Variants in HS6ST3 observed in about 807,000 individuals in gnomAD.
The protein encoded by HS6ST3 is heparan sulfate 6-O-sulfotransferase 3.
HS6ST3 carries 12 observed loss-of-function variants against 36.7 expected under a neutral mutation model. That is an observed-to-expected ratio of 0.33 (90% CI 0.21 to 0.53). The LOEUF is 0.53. Among genes scored for constraint, HS6ST3 ranks in the 20% least tolerant of loss-of-function variants. HS6ST3 has a pLI of 0.95. For synonymous variants in HS6ST3, 240 were observed against 257.5 expected (o/e 0.93, Z 0.65); for missense variants, 584 against 640.9 (o/e 0.91, Z 0.96).
At position 96,132,505 on chromosome 13, in the gene HS6ST3, C is replaced by A. The variant is rs1044017805; in HGVS notation, c.707+40936C>A. Among the ~76,000 whole-genome samples, 12 of 152,032 alleles carry A rather than the reference C, an allele frequency of 7.9e-5. No individual in the cohort carries two copies. In the East Asian group the frequency reaches 2.3e-3, roughly 29 times the overall value. On this transcript the variant is annotated intron_variant, in intron 1 of 1. Coordinates refer to ENST00000376705, the MANE Select transcript of HS6ST3 (RefSeq NM_153456.4). ...CACTACAGCCTCGACCTTACAGGCC[C>A]AAGCAGTCTTTCAGCTCAGCCTCTT...
At chr13:96,331,224 G>A (rs1172617297) in intron 1 of HS6ST3, among the ~76,000 whole-genome samples, 1 of 152,250 alleles carries the variant, frequency 6.6e-6, no homozygotes, top group Non-Finnish European at 1.5e-5. Flanking sequence ...TGCTGGTGAG[G>A]AACTGCGTTC....
At chr13:96,302,729 GATA>G (rs746800917) in intron 1 of HS6ST3, among the ~76,000 whole-genome samples, 17 of 152,086 alleles carry the variant, frequency 1.1e-4, no homozygotes, top group East Asian at 3.9e-4. Context: ...TTTCTCAAAG[GATA>G]ATAATATACG....
At chr13:96,466,136 C>T (rs1435759470) in intron 1 of HS6ST3, among the ~76,000 whole-genome samples, 1 of 152,008 alleles carries the variant, frequency 6.6e-6, no homozygotes, top group Non-Finnish European at 1.5e-5. Flanking sequence ...CAAAAATGAG[C>T]TAGGCGTGGT....
At chr13:96,428,481 CT>C (rs1375857383) in intron 1 of HS6ST3, among the ~76,000 whole-genome samples, 1 of 152,174 alleles carries the variant, frequency 6.6e-6, no homozygotes, top group Admixed American at 6.5e-5. Flanking sequence ...CTCTCCTTGG[CT>C]TGTAAATGTC....
intron 1 of HS6ST3, among the ~76,000 whole-genome samples, chr13:96,457,333 A>C (rs2055759066): frequency 6.6e-6 from 1 of 151,818 alleles, no homozygotes; most frequent in African/African-American, 2.4e-5. Flanking sequence ...GACAACCCCA[A>C]CCTCAAACAA....
At chr13:96,708,151 C>A (rs1875473888) in intron 1 of HS6ST3, among the ~76,000 whole-genome samples, 1 of 152,158 alleles carries the variant, frequency 6.6e-6, no homozygotes, top group Non-Finnish European at 1.5e-5. Flanking sequence ...AAAACAGCTG[C>A]CAGAAATCAT....
intron 1 of HS6ST3, among the ~76,000 whole-genome samples, chr13:96,560,457 C>G (rs925942694): frequency 7.9e-5 from 12 of 152,010 alleles, no homozygotes; most frequent in African/African-American, 2.9e-4. Context: ...CCCTTGAGAA[C>G]TGGAACATTA....
chr13:96,321,997 GA>G (rs34643797), intron 1 of HS6ST3, among the ~76,000 whole-genome samples: 41 of 145,736 alleles, frequency 2.8e-4, no homozygotes, highest in South Asian at 6.5e-4. Context: ...TGACTTCACT[GA>G]AAAAAAAAAA....
intron 1 of HS6ST3, among the ~76,000 whole-genome samples, chr13:96,232,188 C>G (rs904154332): frequency 1.3e-5 from 2 of 152,108 alleles, no homozygotes; most frequent in Non-Finnish European, 2.9e-5. Flanking sequence ...GTATAAGATG[C>G]TAGAGCAGAG....
chr13:96,446,640 T>G (rs954953070), intron 1 of HS6ST3, among the ~76,000 whole-genome samples: 1 of 152,202 alleles, frequency 6.6e-6, no homozygotes, highest in African/African-American at 2.4e-5. Flanking sequence ...TATGCAACTT[T>G]GGCAGTGGAA....
At chr13:96,803,378 G>A (rs1327899110) in intron 1 of HS6ST3, among the ~76,000 whole-genome samples, 1 of 152,112 alleles carries the variant, frequency 6.6e-6, no homozygotes, top group Non-Finnish European at 1.5e-5. Flanking sequence ...AAGGGCTTTG[G>A]GAGGTATATT....
At chr13:96,262,304 G>A (rs1244529565) in intron 1 of HS6ST3, among the ~76,000 whole-genome samples, 2 of 152,056 alleles carry the variant, frequency 1.3e-5, no homozygotes, top group African/African-American at 4.8e-5. Context: ...TAGGGCCCAG[G>A]GACCTCTTGT....
chr13:96,119,236 G>A (rs80038903), intron 1 of HS6ST3, among the ~76,000 whole-genome samples: 2,061 of 151,952 alleles, frequency 0.014, 24 homozygotes, highest in Middle Eastern at 0.02. Flanking sequence ...CTCATAAATA[G>A]TATAAATAAC....
At chr13:96,622,265 A>G (rs543919526) in intron 1 of HS6ST3, among the ~76,000 whole-genome samples, 1 of 152,158 alleles carries the variant, frequency 6.6e-6, no homozygotes, top group Non-Finnish European at 1.5e-5. Context: ...ACAACAAAGT[A>G]TCTTGAGTAA....
At chr13:96,611,102 T>G (rs1472440247) in intron 1 of HS6ST3, among the ~76,000 whole-genome samples, 1 of 149,796 alleles carries the variant, frequency 6.7e-6, no homozygotes, top group Non-Finnish European at 1.5e-5. Flanking sequence ...TTATTTTCTT[T>G]TTTTATTTTT....
intron 1 of HS6ST3, among the ~76,000 whole-genome samples, chr13:96,471,807 C>A: frequency 6.6e-6 from 1 of 152,174 alleles, no homozygotes; most frequent in East Asian, 1.9e-4. Context: ...TATTAGTCAG[C>A]TGTTGCTATA....
chr13:96,169,347 A>G (rs964589862), intron 1 of HS6ST3, among the ~76,000 whole-genome samples: 2 of 152,016 alleles, frequency 1.3e-5, no homozygotes, highest in African/African-American at 2.4e-5. Context: ...ACACTGCTAT[A>G]GGAAAACTGT....
chr13:96,469,698 A>G (rs776177505), intron 1 of HS6ST3, among the ~76,000 whole-genome samples: 19 of 152,088 alleles, frequency 1.2e-4, no homozygotes, highest in Non-Finnish European at 2.8e-4. Flanking sequence ...GGTGGTGGTC[A>G]TGAAAATAGA....
intron 1 of HS6ST3, among the ~76,000 whole-genome samples, chr13:96,316,257 C>CTGTGTGTGTGTGTGTG (rs10534465): frequency 2.7e-5 from 4 of 147,180 alleles, no homozygotes; most frequent in Admixed American, 1.4e-4. Flanking sequence ...CTACATACAC[C>CTGTGTGTGTGTGTGTG]TGTGTGTGTG....
Sources: gnomAD v4.1 joint callset for allele counts (sites outside exome capture counted in the v4.1 genomes callset) on GRCh38, gnomAD v4.1.1 for gene constraint, MANE v1.5 for transcripts, NCBI Gene and HGNC (gene_info 2026-07-23, HGNC 2026-07-21) for gene names.